The following CASTOR2 variants were observed in gnomAD, a reference collection of about 807,000 sequenced individuals.
CASTOR2 encodes the protein cytosolic arginine sensor for mTORC1 subunit 2.
CASTOR2 carries 8 observed loss-of-function variants against 31.2 expected under a neutral mutation model. The ratio of observed to expected loss-of-function variants is 0.26; its 90% CI spans 0.15 to 0.46. CASTOR2 has a LOEUF of 0.46. CASTOR2 is among the 20% of genes least tolerant of loss of function. The probability of loss-of-function intolerance (pLI) is 0.99; values close to 1 mark genes in which losing one functional copy is unlikely to be tolerated. For missense variants in CASTOR2, 216 were observed against 382.1 expected (o/e 0.57, Z 3.62); for synonymous variants, 162 against 158.7 (o/e 1.02, Z -0.16).
chr7:74,993,829 C>G (rs1196537681), intron 1 of CASTOR2, among the ~76,000 whole-genome samples: 1 of 150,682 alleles, frequency 6.6e-6, no homozygotes, highest in Non-Finnish European at 1.5e-5. Context: ...ACTTGTAATT[C>G]TCTTCTCTCT....
At chr7:75,017,859 C>T (rs1335046953) in intron 3 of CASTOR2, 68 bp downstream of exon 3, 15 of 1,613,778 alleles carry the variant, frequency 9.3e-6, no homozygotes. Context: ...CTCCCATCTC[C>T]CACCCCTTGC....
At chr7:75,016,328 TG>T (rs1246862865) in intron 2 of CASTOR2, among the ~76,000 whole-genome samples, 1 of 152,230 alleles carries the variant, frequency 6.6e-6, no homozygotes, top group African/African-American at 2.4e-5. Context: ...GTTTGGATTC[TG>T]GGTTTTCATG....
At chr7:75,017,824 C>T in intron 3 of CASTOR2, 33 bp downstream of exon 3, 1 of 1,613,624 alleles carries the variant, frequency 6.2e-7, no homozygotes, top group Non-Finnish European at 8.5e-7. Flanking sequence ...GCCTTGCACA[C>T]TCATGCCCGC....
At chr7:74,986,578 A>G (rs1187168775) in intron 1 of CASTOR2, among the ~76,000 whole-genome samples, 15 of 152,030 alleles carry the variant, frequency 9.9e-5, no homozygotes, top group Non-Finnish European at 1.6e-4. Context: ...TAGAGCCCCA[A>G]GGGCCATGCA....
intron 1 of CASTOR2, among the ~76,000 whole-genome samples, chr7:74,994,011 G>C (rs1473705945): frequency 2.0e-5 from 3 of 152,202 alleles, no homozygotes; most frequent in Non-Finnish European, 4.4e-5. Flanking sequence ...CAGGATGCCC[G>C]GGGAGAGGCC....
At chr7:74,991,920 C>T (rs1396076589) in intron 1 of CASTOR2, among the ~76,000 whole-genome samples, 8 of 152,010 alleles carry the variant, frequency 5.3e-5, no homozygotes, top group African/African-American at 1.7e-4. Flanking sequence ...GTGAGGTCAT[C>T]ACATTTGTGC....
intron 2 of CASTOR2, among the ~76,000 whole-genome samples, chr7:75,009,622 C>A (rs1224128878): frequency 6.6e-6 from 1 of 151,776 alleles, no homozygotes; most frequent in Admixed American, 6.6e-5. Context: ...GCCCCCCCCG[C>A]CCCCACCAGG....
intron 1 of CASTOR2, among the ~76,000 whole-genome samples, chr7:75,006,627 GA>G (rs1804611266): frequency 6.6e-6 from 1 of 152,136 alleles, no homozygotes; most frequent in Admixed American, 6.6e-5. Context: ...ATCTCACCTT[GA>G]ATTGTAATAA....
chr7:74,988,810 A>G (rs1203862605), intron 1 of CASTOR2, among the ~76,000 whole-genome samples: 1 of 149,592 alleles, frequency 6.7e-6, no homozygotes, highest in Admixed American at 6.7e-5. Flanking sequence ...TCCCATTTAT[A>G]TGTATGGAAA....
chr7:75,018,663 G>A (rs1210895956), intron 4 of CASTOR2, among the ~76,000 whole-genome samples: 2 of 152,266 alleles, frequency 1.3e-5, no homozygotes, highest in Non-Finnish European at 2.9e-5. Context: ...CAGGTGTCAG[G>A]GTGGATTTCC....
chr7:75,020,229 A>G, intron 6 of CASTOR2, 80 bp downstream of exon 6: 1 of 1,275,576 alleles, frequency 7.8e-7, no homozygotes, highest in Non-Finnish European at 1.1e-6. Context: ...CACATCACCC[A>G]CTTTGTCTTT....
At chr7:74,986,006 C>A (rs1347491467) in intron 1 of CASTOR2, among the ~76,000 whole-genome samples, 2 of 152,114 alleles carry the variant, frequency 1.3e-5, no homozygotes, top group Non-Finnish European at 2.9e-5. Flanking sequence ...CGGCTCACTG[C>A]AACCTCCACC....
chr7:75,021,191 C>T (rs1194152479), intron 6 of CASTOR2, among the ~76,000 whole-genome samples: 1 of 152,076 alleles, frequency 6.6e-6, no homozygotes, highest in Non-Finnish European at 1.5e-5. Context: ...AGGGTTTTGC[C>T]ATGTTGGCCA....
intron 1 of CASTOR2, among the ~76,000 whole-genome samples, chr7:75,000,869 GC>G (rs1380889572): frequency 1.3e-5 from 2 of 151,874 alleles, no homozygotes; most frequent in Non-Finnish European, 2.9e-5. Context: ...CACCATGTTG[GC>G]CAGGCTGGTC....
chr7:75,028,056 G>A lies in CASTOR2; in HGVS notation c.*3357G>A. 1 of 1,534,570 alleles carries A rather than the reference G, an allele frequency of 6.5e-7. No homozygotes were observed. Among genetic ancestry groups the A allele is most frequent in the African/African-American group, 1.4e-5 (1 of 73,088 alleles). On this transcript the variant is annotated 3_prime_UTR_variant, in exon 9 of 9. Coordinates refer to ENST00000616305, the MANE Select transcript of CASTOR2 (RefSeq NM_001145064.3). Reference sequence around the variant, plus strand: ...ATCAGAGGAGTGGGCCTGTTGTCTTGGCGCTGGCGGATGGGGCAGGTGCCT... The same window carrying A: ...ATCAGAGGAGTGGGCCTGTTGTCTTAGCGCTGGCGGATGGGGCAGGTGCCT...
chr7:75,018,305 C>A (rs1481551276), intron 4 of CASTOR2, among the ~76,000 whole-genome samples, 183 bp downstream of exon 4: 1 of 152,094 alleles, frequency 6.6e-6, no homozygotes, highest in Non-Finnish European at 1.5e-5. Flanking sequence ...TTTGGGAGGC[C>A]GAGGCAGGCA....
chr7:74,987,764 AGT>A (rs2131927324), intron 1 of CASTOR2, among the ~76,000 whole-genome samples: 1 of 152,042 alleles, frequency 6.6e-6, no homozygotes, highest in African/African-American at 2.4e-5. Context: ...GCTGGAGTGC[AGT>A]GGCGTGATAT....
At chr7:74,992,527 C>T (rs1804236338) in intron 1 of CASTOR2, among the ~76,000 whole-genome samples, 2 of 152,226 alleles carry the variant, frequency 1.3e-5, no homozygotes, top group East Asian at 1.9e-4. Flanking sequence ...GCAACCTCTG[C>T]CTCCTGGGTT....
At position 75,027,874 on chromosome 7, in the gene CASTOR2, C is replaced by G; in HGVS notation, c.*3175C>G. The G allele has an allele frequency of 1.2e-6, 1 of 828,876 alleles. No individual in the cohort carries two copies. The highest frequency in any genetic ancestry group is 2.0e-6 in the Non-Finnish European group (1 of 508,780). 51.3% of individuals were successfully genotyped at this position (828,876 alleles called of 1,614,324 possible). A position where few individuals can be genotyped will look rare whatever the true frequency, so the allele number is the denominator to read the frequency against. ...GAGTGTGGTTTTTCCCAGGCAGGGG[C>G]CGTCTGCCCTTGTCCCCCAGCTATC... On this transcript the variant is annotated 3_prime_UTR_variant, in exon 9 of 9. Coordinates refer to ENST00000616305, the MANE Select transcript of CASTOR2 (RefSeq NM_001145064.3).
Sources: allele counts gnomAD v4.1 joint callset (sites outside exome capture counted in the v4.1 genomes callset), GRCh38; gene constraint gnomAD v4.1.1; transcripts MANE v1.5; gene names NCBI Gene and HGNC (gene_info 2026-07-23, HGNC 2026-07-21).